LRTM1: variants seen among roughly 807,000 people sequenced by gnomAD.
LRTM1 encodes the protein leucine rich repeat transmembrane protein 1.
In LRTM1, 38 loss-of-function variants were observed where a neutral mutation model predicts 32.4. That is an observed-to-expected ratio of 1.17 (90% confidence interval 0.91 to 1.54). LRTM1 has a LOEUF of 1.54. Ranked by LOEUF, LRTM1 falls within the 40% of genes most tolerant of loss-of-function variation. The pLI is 0.00. For synonymous variants in LRTM1, 186 were observed against 169.9 expected (o/e 1.09, Z -0.74); for missense variants, 466 against 415.4 (o/e 1.12, Z -1.06).
upstream of LRTM1, among the ~76,000 whole-genome samples, chr3:54,928,429 G>A (rs1386501701): frequency 6.6e-6 from 1 of 152,144 alleles, no homozygotes; most frequent in Admixed American, 6.5e-5. Flanking sequence ...ATGCTGGACG[G>A]GACCCTCACC....
intron 1 of LRTM1, among the ~76,000 whole-genome samples, chr3:54,956,197 C>T (rs989756060): frequency 1.3e-5 from 2 of 152,192 alleles, no homozygotes; most frequent in African/African-American, 2.4e-5. Context: ...TGGGTATCTC[C>T]CTGGCCAGAG....
At chr3:54,952,843 T>G (rs922687683) in intron 1 of LRTM1, among the ~76,000 whole-genome samples, 1 of 152,140 alleles carries the variant, frequency 6.6e-6, no homozygotes, top group Non-Finnish European at 1.5e-5. Flanking sequence ...TCTTTGGATG[T>G]TTTACAAATT....
At chr3:54,964,303 C>G (rs75859718) in intron 1 of LRTM1, among the ~76,000 whole-genome samples, 35 of 152,190 alleles carry the variant, frequency 2.3e-4, no homozygotes, top group African/African-American at 8.4e-4. Context: ...GGAGGGAGCC[C>G]TGGGACATCT....
At chr3:54,937,352 CA>C (rs1261465629) in intron 1 of LRTM1, among the ~76,000 whole-genome samples, 11 of 152,310 alleles carry the variant, frequency 7.2e-5, no homozygotes, top group Admixed American at 7.2e-4. Flanking sequence ...TACCACTATG[CA>C]AATACAGTTG....
chr3:54,924,555 A>G, intron 2 of LRTM1, 64 bp downstream of exon 2: 1 of 1,316,422 alleles, frequency 7.6e-7, no homozygotes, highest in Non-Finnish European at 1.1e-6. Flanking sequence ...AATGCAGAGA[A>G]CAGATGAGAT....
chr3:54,939,868 T>TG (rs1701422368), intron 1 of LRTM1, among the ~76,000 whole-genome samples: 1 of 152,204 alleles, frequency 6.6e-6, no homozygotes, highest in Admixed American at 6.5e-5. Context: ...CCGCTGGCCA[T>TG]GCTTGCTTTA....
intron 1 of LRTM1, among the ~76,000 whole-genome samples, chr3:54,925,727 C>G (rs1419772141): frequency 3.9e-5 from 6 of 152,210 alleles, no homozygotes; most frequent in Admixed American, 6.5e-5. Context: ...GGCTACCGAG[C>G]TCTTGAGATG....
intron 1 of LRTM1, among the ~76,000 whole-genome samples, chr3:54,965,476 C>T (rs528343265): frequency 6.6e-6 from 1 of 152,286 alleles, no homozygotes; most frequent in Admixed American, 6.5e-5. Context: ...AAGCTCTCAC[C>T]AGGCCAAGTC....
chr3:54,919,928 C>A (rs1559629554), intron 2 of LRTM1, among the ~76,000 whole-genome samples: 1 of 152,204 alleles, frequency 6.6e-6, no homozygotes. Flanking sequence ...ACATCCTCCT[C>A]TCAGGAGCGT....
At chr3:54,953,504 T>A (rs1701808626) in intron 1 of LRTM1, among the ~76,000 whole-genome samples, 1 of 152,202 alleles carries the variant, frequency 6.6e-6, no homozygotes, top group Non-Finnish European at 1.5e-5. Context: ...GGTGGTCAGA[T>A]GGCCCATGCT....
chr3:54,962,542 A>G (rs1397947259), intron 1 of LRTM1, among the ~76,000 whole-genome samples: 1 of 152,200 alleles, frequency 6.6e-6, no homozygotes, highest in African/African-American at 2.4e-5. Flanking sequence ...ATTTACTCTC[A>G]CTGATTTTTG....
At position 54,918,849 on chromosome 3, in the gene LRTM1, C is replaced by T; in HGVS notation, c.648G>A (p.Trp216Ter). The T allele has an allele frequency of 6.3e-7, 1 of 1,575,256 alleles. No individual in the cohort carries two copies. Among genetic ancestry groups the T allele is most frequent in the African/African-American group, 1.4e-5 (1 of 73,922 alleles). The change falls in exon 3 of 3, where the codon TGG becomes TGA. Residue 216 changes from tryptophan (W) to a stop codon, truncating the protein, a stop_gained. Transcript: ENST00000273286. LOFTEE classifies it high-confidence loss of function. Reference protein sequence around the residue: ...DGIICESPDTWKGKDLLRIPH... With the variant: ...DGIICESPDT ...GGATCCTAAGGAGGTCCTTTCCCTT[C>T]CAGGTGTCTGGTGATTCACAGATGA...
rs1700958760 is a variant in LRTM1 at position 54,924,686 on chromosome 3, G to A, written c.537C>T (p.Asp179=). The A allele has an allele frequency of 8.7e-6, 14 of 1,614,136 alleles. No homozygotes were observed. The highest frequency in any genetic ancestry group is 1.2e-5 in the Non-Finnish European group (14 of 1,180,024). ...AGTGGCAATTGCATTTCCAGAGGTTGTCCTTGAGAAGTAAAAGCCTCACAC... is the reference window on the plus strand; with the variant it reads ...AGTGGCAATTGCATTTCCAGAGGTTATCCTTGAGAAGTAAAAGCCTCACAC... The part of the protein sequence containing the change: ...MPSVRLLLLK[D]NLWKCNCHLL... Residue 179 remains aspartate, a synonymous_variant, in exon 2 of 3, where the codon GAC becomes GAT. Transcript: ENST00000273286.
At chr3:54,922,692 C>A (rs114197678) in intron 2 of LRTM1, among the ~76,000 whole-genome samples, 1 of 152,122 alleles carries the variant, frequency 6.6e-6, no homozygotes, top group East Asian at 1.9e-4. Context: ...CCAACATCTT[C>A]CTGAGCTTCG....
chr3:54,924,744 T>C lies in LRTM1; in HGVS notation c.479A>G (p.Gln160Arg). The C allele has an allele frequency of 1.2e-6, 2 of 1,614,166 alleles. No individual in the cohort carries two copies. Among genetic ancestry groups the C allele is most frequent in the Non-Finnish European group, 1.7e-6 (2 of 1,180,028 alleles). The change falls in exon 2 of 3, where the codon CAG becomes CGG. Residue 160 changes from glutamine (Q) to arginine (R), a missense_variant. Gln to Arg is a conservative substitution (Grantham distance 43). Transcript: ENST00000273286. Reference sequence around the variant, plus strand: ...GGATTCCAGGAGCGCTCGATCAAGCTGCTGAAGCTGGTTTTGTTGAACCGC... The same window carrying C: ...GGATTCCAGGAGCGCTCGATCAAGCCGCTGAAGCTGGTTTTGTTGAACCGC... ...ILAVQQNQLQQLDRALLESMP... is the reference protein window; with the variant it reads ...ILAVQQNQLQRLDRALLESMP...
At chr3:54,931,280 T>C (rs1701182871), upstream of LRTM1, among the ~76,000 whole-genome samples, 2 of 152,160 alleles carry the variant, frequency 1.3e-5, no homozygotes, top group African/African-American at 4.8e-5. Flanking sequence ...GGTTCTGTTT[T>C]ACTCATGCTG....
At chr3:54,948,418 G>C (rs1025064340) in intron 1 of LRTM1, among the ~76,000 whole-genome samples, 2 of 152,234 alleles carry the variant, frequency 1.3e-5, no homozygotes, top group Non-Finnish European at 2.9e-5. Context: ...GGGCATATAT[G>C]TGTTTGCCTT....
At chr3:54,922,393 T>A (rs1700878049) in intron 2 of LRTM1, among the ~76,000 whole-genome samples, 1 of 152,042 alleles carries the variant, frequency 6.6e-6, no homozygotes, top group South Asian at 2.1e-4. Flanking sequence ...GGCCTGTGCT[T>A]ACAATTTAAT....
At chr3:54,937,578 C>T (rs1213512057) in intron 1 of LRTM1, among the ~76,000 whole-genome samples, 1 of 152,098 alleles carries the variant, frequency 6.6e-6, no homozygotes, top group African/African-American at 2.4e-5. Flanking sequence ...AAAGTACAGC[C>T]ATTAAAAGTG....
Sources: gnomAD v4.1 joint callset for allele counts (sites outside exome capture counted in the v4.1 genomes callset) on GRCh38, gnomAD v4.1.1 for gene constraint, MANE v1.5 for transcripts, NCBI Gene and HGNC (gene_info 2026-07-23, HGNC 2026-07-21) for gene names.